Variants in CRB1 observed in about 807,000 individuals in gnomAD.
CRB1 encodes the protein crumbs cell polarity complex component 1.
Under a neutral mutation model 120.0 loss-of-function variants are expected in CRB1, and 83 were observed. That is an observed-to-expected ratio of 0.69 (90% confidence interval 0.58 to 0.83). CRB1 has a LOEUF of 0.83. Among genes scored for constraint, CRB1 ranks in the 40% least tolerant of loss-of-function variants. The probability of loss-of-function intolerance (pLI) is 0.00; values close to 1 mark genes in which losing one functional copy is unlikely to be tolerated. For synonymous variants in CRB1, 625 were observed against 612.5 expected, an observed-to-expected ratio of 1.02 and a Z score of -0.30; for missense variants, 1,699 against 1,687.6, an observed-to-expected ratio of 1.01 and a Z score of -0.12.
At chr1:197,466,469 TC>T (rs1280953686) in intron 11 of CRB1, among the ~76,000 whole-genome samples, 1 of 152,204 alleles carries the variant, frequency 6.6e-6, no homozygotes, top group Non-Finnish European at 1.5e-5. Context: ...CAAATAATTT[TC>T]TGATAAATTG....
intron 5 of CRB1, among the ~76,000 whole-genome samples, chr1:197,362,392 T>G (rs1390207950): frequency 2.6e-5 from 4 of 152,100 alleles, no homozygotes; most frequent in Non-Finnish European, 5.9e-5. Flanking sequence ...ACTGATGGTG[T>G]TGTTCACATT....
intron 9 of CRB1, among the ~76,000 whole-genome samples, 191 bp from the exon 10 acceptor site, chr1:197,438,356 A>G (rs1430565336): frequency 6.6e-6 from 1 of 152,078 alleles, no homozygotes; most frequent in Non-Finnish European, 1.5e-5. Context: ...TTGTCACAGA[A>G]CCCTCCAGCA....
chr1:197,261,545 T>A, the CRB1 span, among the ~76,000 whole-genome samples: 1 of 152,204 alleles, frequency 6.6e-6, no homozygotes, highest in Admixed American at 6.5e-5. Flanking sequence ...AATATTTATG[T>A]CTCTATTCAT....
the CRB1 span, among the ~76,000 whole-genome samples, chr1:197,228,311 G>A: frequency 6.6e-6 from 1 of 152,102 alleles, no homozygotes; most frequent in Non-Finnish European, 1.5e-5. Flanking sequence ...TTTCGCTTTT[G>A]AAATGAAAAG....
intron 1 of CRB1, among the ~76,000 whole-genome samples, chr1:197,272,670 T>C (rs1654971065): frequency 6.6e-6 from 1 of 152,152 alleles, no homozygotes; most frequent in Non-Finnish European, 1.5e-5. Flanking sequence ...TGAAAGAAGC[T>C]CGTCCAGAAA....
upstream of CRB1, among the ~76,000 whole-genome samples, chr1:197,264,024 A>G (rs1654576531): frequency 6.6e-6 from 1 of 152,208 alleles, no homozygotes; most frequent in Admixed American, 6.5e-5. Context: ...GCAATTTGTT[A>G]CATGGACATA....
At chr1:197,314,336 A>G (rs1359328800) in intron 1 of CRB1, among the ~76,000 whole-genome samples, 1 of 152,084 alleles carries the variant, frequency 6.6e-6, no homozygotes, top group African/African-American at 2.4e-5. Flanking sequence ...CATTTCAGAT[A>G]TTTTACTTTT....
chr1:197,255,389 A>G, the CRB1 span, among the ~76,000 whole-genome samples: 1 of 152,072 alleles, frequency 6.6e-6, no homozygotes, highest in Non-Finnish European at 1.5e-5. Flanking sequence ...CATCTGTTCT[A>G]TGCTGCACTG....
chr1:197,242,671 G>A, the CRB1 span, among the ~76,000 whole-genome samples: 8 of 152,114 alleles, frequency 5.3e-5, no homozygotes, highest in African/African-American at 9.7e-5. Context: ...TTTGTATCAG[G>A]ATGATGCTGG....
chr1:197,240,309 G>A, the CRB1 span, among the ~76,000 whole-genome samples: 1 of 151,930 alleles, frequency 6.6e-6, no homozygotes, highest in Non-Finnish European at 1.5e-5. Context: ...ATGGTGGTTC[G>A]CTGCACCCAT....
intron 1 of CRB1, among the ~76,000 whole-genome samples, chr1:197,271,923 T>TA (rs1189924331): frequency 1.3e-5 from 2 of 151,874 alleles, no homozygotes; most frequent in Admixed American, 6.6e-5. Flanking sequence ...TCACAACATG[T>TA]AAAAAAAATG....
chr1:197,393,845 T>C (rs1662634984), intron 5 of CRB1, among the ~76,000 whole-genome samples: 1 of 152,074 alleles, frequency 6.6e-6, no homozygotes. Flanking sequence ...TCAATATGTA[T>C]CGAGAAAACA....
intron 5 of CRB1, among the ~76,000 whole-genome samples, chr1:197,382,954 T>TGC (rs1662031337): frequency 6.6e-6 from 1 of 152,166 alleles, no homozygotes; most frequent in Non-Finnish European, 1.5e-5. Flanking sequence ...AAATCATCCA[T>TGC]TCTGCAGGAA....
chr1:197,283,914 G>A (rs971130427), intron 1 of CRB1, among the ~76,000 whole-genome samples: 1 of 151,680 alleles, frequency 6.6e-6, no homozygotes, highest in Non-Finnish European at 1.5e-5. Flanking sequence ...GAAGTATTAA[G>A]TAAATATTTG....
intron 10 of CRB1, 142 bp from the exon 11 acceptor site, chr1:197,442,024 T>C (rs925588817): frequency 9.5e-6 from 9 of 946,128 alleles, no homozygotes; most frequent in African/African-American, 1.6e-5. Context: ...ATCTCCGACA[T>C]TATCAAGTAT....
intron 1 of CRB1, among the ~76,000 whole-genome samples, chr1:197,291,269 G>A (rs1656163795): frequency 6.6e-6 from 1 of 151,788 alleles, no homozygotes; most frequent in Non-Finnish European, 1.5e-5. Context: ...GAGTGGACAT[G>A]TGTCTTTTAT....
chr1:197,344,234 C>T lies in CRB1; in HGVS notation c.653-47C>T, dbSNP rs370651455. 6.3e-5 allele frequency: 99 copies of T among 1,579,782 alleles called. No individual in the cohort carries two copies. The African/African-American group carries it at 1.2e-3, about 18-fold the overall frequency. ...TTGTCAAATTGCTAAATTATGAACA[C>T]TTTGCTAAAACTTTTTCTGTTTTTT... On this transcript the variant is annotated intron_variant, in intron 2 of 11. Transcript: ENST00000367400.
chr1:197,226,448 G>T, the CRB1 span, among the ~76,000 whole-genome samples: 1,004 of 152,228 alleles, frequency 6.6e-3, 7 homozygotes, highest in African/African-American at 0.022. Flanking sequence ...AGTTTTTGCA[G>T]ATTATATTTC....
intron 1 of CRB1, among the ~76,000 whole-genome samples, chr1:197,319,796 C>G (rs1256439221): frequency 6.6e-6 from 1 of 151,922 alleles, no homozygotes; most frequent in Non-Finnish European, 1.5e-5. Context: ...AAACTGGCTT[C>G]TTGTTTTTGG....
Sources: gnomAD v4.1 joint callset for allele counts (sites outside exome capture counted in the v4.1 genomes callset) on GRCh38, gnomAD v4.1.1 for gene constraint, MANE v1.5 for transcripts, NCBI Gene and HGNC (gene_info 2026-07-23, HGNC 2026-07-21) for gene names.